EML6: variants seen among roughly 807,000 people sequenced by gnomAD.
The protein encoded by EML6 is EMAP like 6.
EML6 carries 154 observed loss-of-function variants against 240.1 expected under a neutral mutation model. That is an observed-to-expected ratio of 0.64 (90% CI 0.56 to 0.73). EML6 has a LOEUF of 0.73. Among genes scored for constraint, EML6 ranks in the 30% least tolerant of loss-of-function variants. The pLI, the probability that EML6 is intolerant of heterozygous loss-of-function variation, is 0.00. For synonymous variants in EML6, 1,148 were observed against 899.0 expected, an observed-to-expected ratio of 1.28 and a Z score of -4.95; for missense variants, 2,964 against 2,474.6, an observed-to-expected ratio of 1.20 and a Z score of -4.20.
At chr2:54,865,539 A>T (rs533290205) in intron 13 of EML6, among the ~76,000 whole-genome samples, 1 of 152,340 alleles carries the variant, frequency 6.6e-6, no homozygotes, top group African/African-American at 2.4e-5. Flanking sequence ...GAATATCCTT[A>T]ATGTGAAAAT....
intron 2 of EML6, among the ~76,000 whole-genome samples, chr2:54,793,556 C>T (rs1174478235): frequency 1.3e-5 from 2 of 152,036 alleles, no homozygotes; most frequent in African/African-American, 4.8e-5. Flanking sequence ...CTCACACGCC[C>T]GCAACATAGG....
intron 4 of EML6, among the ~76,000 whole-genome samples, chr2:54,818,517 A>T (rs1163338128): frequency 6.6e-6 from 1 of 152,140 alleles, no homozygotes; most frequent in African/African-American, 2.4e-5. Context: ...TTTCCCCAGG[A>T]TACATATGCC....
intron 2 of EML6, among the ~76,000 whole-genome samples, chr2:54,802,656 A>ACTACTACTG (rs1553381881): frequency 3.9e-5 from 5 of 127,816 alleles, no homozygotes; most frequent in East Asian, 4.0e-4. Context: ...TACTACTACT[A>ACTACTACTG]CTACTACTAC....
At chr2:54,788,242 G>T (rs1394253897) in intron 2 of EML6, among the ~76,000 whole-genome samples, 1 of 152,208 alleles carries the variant, frequency 6.6e-6, no homozygotes, top group Non-Finnish European at 1.5e-5. Flanking sequence ...CTTCCTGTTG[G>T]CCTGCAAGGC....
At chr2:54,752,366 A>G (rs1387103720) in intron 2 of EML6, among the ~76,000 whole-genome samples, 2 of 152,224 alleles carry the variant, frequency 1.3e-5, no homozygotes, top group African/African-American at 4.8e-5. Flanking sequence ...GATGAAATTT[A>G]GCAAGGTTAA....
At chr2:54,770,730 C>G (rs190850546) in intron 2 of EML6, among the ~76,000 whole-genome samples, 101 of 152,260 alleles carry the variant, frequency 6.6e-4, no homozygotes, top group African/African-American at 2.2e-3. Flanking sequence ...TTAGTTGATA[C>G]AGTTGATCGT....
intron 14 of EML6, 30 bp downstream of exon 14, chr2:54,866,914 T>C (rs1191912652): frequency 7.5e-7 from 1 of 1,333,668 alleles, no homozygotes; most frequent in Admixed American, 2.0e-5. Flanking sequence ...CGCCCGTATG[T>C]GTTCCTCTGT....
chr2:54,813,434 A>C, intron 3 of EML6, 43 bp downstream of exon 3: 1 of 1,472,988 alleles, frequency 6.8e-7, no homozygotes, highest in Non-Finnish European at 9.3e-7. Flanking sequence ...GACTTCTCAC[A>C]ACTCACTTAA....
chr2:54,810,827 T>C (rs1439671293), intron 2 of EML6, among the ~76,000 whole-genome samples: 2 of 152,148 alleles, frequency 1.3e-5, no homozygotes, highest in Non-Finnish European at 2.9e-5. Flanking sequence ...AATCCTCTTC[T>C]TCCTAGCCTT....
intron 17 of EML6, among the ~76,000 whole-genome samples, chr2:54,889,534 CTTG>C (rs1354820650): frequency 1.3e-5 from 2 of 149,502 alleles, no homozygotes; most frequent in Non-Finnish European, 3.0e-5. Flanking sequence ...GAGTTTATGC[CTTG>C]TTATTTTTAT....
intron 28 of EML6, among the ~76,000 whole-genome samples, chr2:54,934,576 G>C (rs1456518651): frequency 6.6e-6 from 1 of 152,022 alleles, no homozygotes; most frequent in African/African-American, 2.4e-5. Context: ...TTGAGACTGG[G>C]TCTGGCTCTG....
At chr2:54,794,958 T>C (rs1357344435) in intron 2 of EML6, among the ~76,000 whole-genome samples, 1 of 152,196 alleles carries the variant, frequency 6.6e-6, no homozygotes, top group Non-Finnish European at 1.5e-5. Flanking sequence ...GTTAATTCAC[T>C]GACCACACTA....
chr2:54,870,108 C>G (rs1381362180), intron 15 of EML6, among the ~76,000 whole-genome samples: 3 of 152,216 alleles, frequency 2.0e-5, no homozygotes, highest in East Asian at 1.9e-4. Context: ...CTGGTATTAA[C>G]TAAGTGGCAA....
chr2:54,891,335 G>T (rs961736515), intron 18 of EML6, among the ~76,000 whole-genome samples, 181 bp downstream of exon 18: 5 of 152,170 alleles, frequency 3.3e-5, no homozygotes, highest in South Asian at 2.1e-4. Flanking sequence ...TCTATATGAC[G>T]CTATGCATAT....
At chr2:54,919,896 C>G (rs1674130837) in intron 26 of EML6, among the ~76,000 whole-genome samples, 2 of 152,194 alleles carry the variant, frequency 1.3e-5, no homozygotes, top group African/African-American at 2.4e-5. Context: ...GTTCCTGTTT[C>G]AACAAAGTTA....
chr2:54,849,168 A>G (rs1669933048), intron 9 of EML6, among the ~76,000 whole-genome samples: 1 of 152,192 alleles, frequency 6.6e-6, no homozygotes, highest in South Asian at 2.1e-4. Flanking sequence ...AGATACACAT[A>G]TTTTCAGGGT....
chr2:54,746,653 CT>C (rs1683924759), intron 2 of EML6, among the ~76,000 whole-genome samples: 1 of 152,088 alleles, frequency 6.6e-6, no homozygotes, highest in African/African-American at 2.4e-5. Context: ...GTTATAGCAT[CT>C]TTTTTTCTCT....
intron 2 of EML6, among the ~76,000 whole-genome samples, chr2:54,728,000 T>C (rs1379363913): frequency 6.6e-6 from 1 of 152,218 alleles, no homozygotes; most frequent in East Asian, 1.9e-4. Context: ...AAGTCAGATT[T>C]TTAAAGATGT....
rs80135923 is a variant in EML6 at position 54,856,923 on chromosome 2, A to G, written c.1658-2611A>G. Among the ~76,000 whole-genome samples the G allele has an allele frequency of 2.8e-3, 428 of 152,290 alleles. 3 individuals are homozygous for G. Among genetic ancestry groups the G allele is most frequent in the African/African-American group, 1.0e-2 (415 of 41,548 alleles). ...GAGATGGTGTGGCTTGGACAAAGATACTAGGAAGAGATACAGAAAGGTTGG... is the reference window on the plus strand; with the variant it reads ...GAGATGGTGTGGCTTGGACAAAGATGCTAGGAAGAGATACAGAAAGGTTGG... On this transcript the variant is annotated intron_variant, in intron 11 of 41. Coordinates refer to ENST00000356458, the MANE Select transcript of EML6 (RefSeq NM_001039753.4).
Sources: allele counts gnomAD v4.1 joint callset (sites outside exome capture counted in the v4.1 genomes callset), GRCh38; gene constraint gnomAD v4.1.1; transcripts MANE v1.5; gene names NCBI Gene and HGNC (gene_info 2026-07-23, HGNC 2026-07-21).